Variants in MVB12B observed in about 807,000 individuals in gnomAD.
The protein encoded by MVB12B is multivesicular body subunit 12B, also known as ESCRT-I complex subunit MVB12B.
In MVB12B, 16 loss-of-function variants were observed where a neutral mutation model predicts 41.6. That is an observed-to-expected ratio of 0.38 (90% CI 0.26 to 0.58). The LOEUF is 0.58. Ranked by LOEUF, MVB12B falls within the 20% of genes least tolerant of loss-of-function variation. The pLI is 0.62. For missense variants in MVB12B, 274 were observed against 380.2 expected (o/e 0.72, Z 2.32); for synonymous variants, 133 against 139.7 (o/e 0.95, Z 0.34).
chr9:126,329,320 C>T (rs1829064669), intron 1 of MVB12B, among the ~76,000 whole-genome samples: 1 of 152,258 alleles, frequency 6.6e-6, no homozygotes, highest in African/African-American at 2.4e-5. Flanking sequence ...ATGTATGTGA[C>T]TGCACTTGGC....
At chr9:126,363,970 TGAG>T (rs886753561) in intron 2 of MVB12B, among the ~76,000 whole-genome samples, 6 of 152,130 alleles carry the variant, frequency 3.9e-5, no homozygotes, top group Non-Finnish European at 7.3e-5. Context: ...CTGAGCCCCA[TGAG>T]GAGGAGGCCA....
chr9:126,491,002 C>T (rs1249799876), intron 9 of MVB12B, among the ~76,000 whole-genome samples: 1 of 152,196 alleles, frequency 6.6e-6, no homozygotes, highest in Non-Finnish European at 1.5e-5. Flanking sequence ...CTCTTAGCCA[C>T]GCATATCTAA....
intron 7 of MVB12B, among the ~76,000 whole-genome samples, chr9:126,456,720 G>A (rs977853909): frequency 6.6e-6 from 1 of 152,102 alleles, no homozygotes; most frequent in Admixed American, 6.6e-5. Context: ...GGGGTCTGAG[G>A]CATCTCCTTC....
At chr9:126,462,210 T>C (rs1416182930) in intron 7 of MVB12B, among the ~76,000 whole-genome samples, 1 of 152,222 alleles carries the variant, frequency 6.6e-6, no homozygotes, top group Non-Finnish European at 1.5e-5. Context: ...CACAATGACA[T>C]ACACATCCCA....
Position 126,435,445 on chromosome 9 carries a change from G to A in MVB12B, c.757+13497G>A, listed in dbSNP as rs1028567242. Among the ~76,000 whole-genome samples, 4 of 152,118 alleles carry A rather than the reference G, an allele frequency of 2.6e-5. No individual in the cohort carries two copies. In the East Asian group the frequency reaches 7.7e-4, roughly 29 times the overall value. Reference sequence around the variant, plus strand: ...TTGCTGGAGATGTTAGCTTGCTACTGGGTAAAATGATTTTAAAGAGAGAAC... The same window carrying A: ...TTGCTGGAGATGTTAGCTTGCTACTAGGTAAAATGATTTTAAAGAGAGAAC... On this transcript the variant is annotated intron_variant, in intron 7 of 9. Coordinates refer to ENST00000361171, the MANE Select transcript of MVB12B (RefSeq NM_033446.3).
intron 2 of MVB12B, among the ~76,000 whole-genome samples, chr9:126,362,908 C>T (rs891600186): frequency 2.0e-5 from 3 of 152,088 alleles, no homozygotes; most frequent in Non-Finnish European, 4.4e-5. Context: ...AATTTTTGGC[C>T]AGGCGTGGTG....
At chr9:126,425,711 C>CT (rs1832156985) in intron 7 of MVB12B, among the ~76,000 whole-genome samples, 1 of 152,228 alleles carries the variant, frequency 6.6e-6, no homozygotes, top group African/African-American at 2.4e-5. Context: ...TTATGTCCTG[C>CT]TGGCCCTCTG....
Position 126,472,116 on chromosome 9 carries a change from G to A in MVB12B, c.758-9253G>A, listed in dbSNP as rs1833326434. ...ACGTTGGGGAGGGATAAGGGTTGGC[G>A]GCTCTGAGCAGCTAGGTATTCCGGG... On this transcript the variant is annotated intron_variant, in intron 7 of 9. Coordinates refer to ENST00000361171, the MANE Select transcript of MVB12B (RefSeq NM_033446.3). Among the ~76,000 whole-genome samples the A allele has an allele frequency of 2.0e-5, 3 of 152,180 alleles. No individual in the cohort carries two copies. In the South Asian group the frequency reaches 6.2e-4, roughly 32 times the overall value.
At chr9:126,425,216 T>C (rs1832140413) in intron 7 of MVB12B, among the ~76,000 whole-genome samples, 1 of 152,198 alleles carries the variant, frequency 6.6e-6, no homozygotes, top group African/African-American at 2.4e-5. Flanking sequence ...GAGGCTATAA[T>C]GTGCTATTAT....
At chr9:126,370,935 C>A (rs571372750) in intron 2 of MVB12B, among the ~76,000 whole-genome samples, 2 of 152,298 alleles carry the variant, frequency 1.3e-5, no homozygotes, top group Admixed American at 6.5e-5. Flanking sequence ...CATAAATATA[C>A]TCCACATTTT....
chr9:126,364,170 T>C (rs1830100475), intron 2 of MVB12B, among the ~76,000 whole-genome samples: 1 of 152,232 alleles, frequency 6.6e-6, no homozygotes, highest in Admixed American at 6.5e-5. Context: ...TAAACATGAA[T>C]TGAAATGCAA....
At chr9:126,445,403 T>C (rs1832742584) in intron 7 of MVB12B, among the ~76,000 whole-genome samples, 1 of 152,148 alleles carries the variant, frequency 6.6e-6, no homozygotes, top group South Asian at 2.1e-4. Context: ...GCCTCCCGGG[T>C]TCAAGCAATT....
intron 7 of MVB12B, among the ~76,000 whole-genome samples, chr9:126,425,284 TA>T (rs1032377444): frequency 1.3e-5 from 2 of 152,146 alleles, no homozygotes; most frequent in African/African-American, 4.8e-5. Context: ...CTTGTCTCTT[TA>T]AAAAAATTAA....
At chr9:126,424,053 T>C (rs1832100935) in intron 7 of MVB12B, among the ~76,000 whole-genome samples, 1 of 152,236 alleles carries the variant, frequency 6.6e-6, no homozygotes, top group African/African-American at 2.4e-5. Flanking sequence ...CTTCAGGAGC[T>C]GAGCCTTTGG....
rs538195049 is a variant in MVB12B at position 126,410,176 on chromosome 9, C to T, written c.663-11678C>T. Among the ~76,000 whole-genome samples the T allele has an allele frequency of 5.5e-3, 686 of 123,974 alleles. 8 individuals carry two copies. Among genetic ancestry groups the T allele is most frequent in the African/African-American group, 0.017 (643 of 37,848 alleles). The allele number at this position is 123,974 out of a possible 152,430, so 81.3% of individuals were successfully genotyped here. On this transcript the variant is annotated intron_variant, in intron 6 of 9. Transcript: ENST00000361171. Reference sequence around the variant, plus strand: ...GTGTGTGTGTGTGTGTGTGTGTGCACGCATGCACGCGCATGCATGCATGTG... The same window carrying T: ...GTGTGTGTGTGTGTGTGTGTGTGCATGCATGCACGCGCATGCATGCATGTG...
chr9:126,420,155 A>G (rs1831962700), intron 6 of MVB12B, among the ~76,000 whole-genome samples: 1 of 152,066 alleles, frequency 6.6e-6, no homozygotes, highest in Non-Finnish European at 1.5e-5. Context: ...GCTTACCAGC[A>G]CTCAGTTTTT....
chr9:126,496,418 CCATTCATCTACTCACCCACT>C (rs1833837030), intron 9 of MVB12B, among the ~76,000 whole-genome samples: 1 of 148,614 alleles, frequency 6.7e-6, no homozygotes, highest in Non-Finnish European at 1.5e-5. Context: ...ACTCACCCAC[CCATTCATCTACTCACCCACT>C]CCCCCACCCA....
chr9:126,382,163 G>A (rs1047826643), intron 3 of MVB12B, among the ~76,000 whole-genome samples: 3 of 150,984 alleles, frequency 2.0e-5, no homozygotes, highest in Admixed American at 6.6e-5. Flanking sequence ...AAGGGGGAGA[G>A]CATTAGTCAT....
At chr9:126,351,272 AG>A (rs1829739381) in intron 2 of MVB12B, among the ~76,000 whole-genome samples, 1 of 152,006 alleles carries the variant, frequency 6.6e-6, no homozygotes, top group Non-Finnish European at 1.5e-5. Flanking sequence ...TATTAGTTCT[AG>A]GTTTTTGGTT....
Sources: gnomAD v4.1 joint callset for allele counts (sites outside exome capture counted in the v4.1 genomes callset) on GRCh38, gnomAD v4.1.1 for gene constraint, MANE v1.5 for transcripts, NCBI Gene and HGNC (gene_info 2026-07-23, HGNC 2026-07-21) for gene names.